AMOTL1: variants seen among roughly 807,000 people sequenced by gnomAD.
AMOTL1 encodes angiomotin-like protein 1.
A neutral mutation model predicts 102.9 loss-of-function variants in AMOTL1; 45 were observed. The observed-to-expected ratio is 0.44, with a 90% CI of 0.34 to 0.56. The LOEUF is 0.56. Ranked by LOEUF, AMOTL1 falls within the 20% of genes least tolerant of loss-of-function variation. AMOTL1 has a pLI of 0.01. For missense variants in AMOTL1, 1,114 were observed against 1,225.6 expected, an observed-to-expected ratio of 0.91 and a Z score of 1.36; for synonymous variants, 481 against 484.7, an observed-to-expected ratio of 0.99 and a Z score of 0.10.
At chr11:94,811,744 T>G (rs1333163224) in intron 3 of AMOTL1, among the ~76,000 whole-genome samples, 1 of 152,016 alleles carries the variant, frequency 6.6e-6, no homozygotes, top group Non-Finnish European at 1.5e-5. Context: ...ATCTCACAAT[T>G]TATACAATTA....
At chr11:94,759,816 G>T (rs1415505053) in intron 3 of AMOTL1, among the ~76,000 whole-genome samples, 1 of 152,218 alleles carries the variant, frequency 6.6e-6, no homozygotes, top group Non-Finnish European at 1.5e-5. Flanking sequence ...ACTGGATTAT[G>T]ATCTTTCTTC....
chr11:94,862,259 A>G (rs1456716632), intron 9 of AMOTL1, among the ~76,000 whole-genome samples: 1 of 152,200 alleles, frequency 6.6e-6, no homozygotes, highest in East Asian at 1.9e-4. Flanking sequence ...GTTCTTTTCA[A>G]AGAAAACCTC....
intron 1 of AMOTL1, among the ~76,000 whole-genome samples, chr11:94,710,225 G>T (rs1950001839): frequency 6.6e-6 from 1 of 152,182 alleles, no homozygotes; most frequent in Admixed American, 6.5e-5. Flanking sequence ...CTGCCCAGAG[G>T]TGCCACCTGA....
intron 2 of AMOTL1, among the ~76,000 whole-genome samples, chr11:94,733,897 C>T (rs367708412): frequency 9.2e-5 from 14 of 152,176 alleles, no homozygotes; most frequent in East Asian, 3.8e-4. Context: ...CTTCTAGTAG[C>T]TTCTTGGCTC....
chr11:94,806,270 C>T (rs370460408), intron 3 of AMOTL1, among the ~76,000 whole-genome samples: 7 of 152,200 alleles, frequency 4.6e-5, no homozygotes, highest in Admixed American at 6.5e-5. Flanking sequence ...AAATCACAGG[C>T]CTTACTCCTA....
chr11:94,767,800 G>A (rs1950873830), upstream of AMOTL1, among the ~76,000 whole-genome samples: 1 of 151,984 alleles, frequency 6.6e-6, no homozygotes, highest in Admixed American at 6.5e-5. Flanking sequence ...GAGGATGTAC[G>A]GTTCTGCGAA....
chr11:94,834,471 C>T (rs1298226653), intron 6 of AMOTL1, among the ~76,000 whole-genome samples: 1 of 152,064 alleles, frequency 6.6e-6, no homozygotes, highest in Non-Finnish European at 1.5e-5. Context: ...CCTGTAGTCC[C>T]AGCTACTCGG....
rs901949789 is a variant in AMOTL1, at chr11:94,876,688, G to C, written c.*5893G>C. 1 of 152,602 alleles carries C rather than the reference G, an allele frequency of 6.6e-6. No individual in the cohort carries two copies. The highest frequency in any genetic ancestry group is 1.5e-5 in the Non-Finnish European group (1 of 68,030). 9.5% of individuals were successfully genotyped at this position (152,602 alleles called of 1,614,324 possible). On this transcript the variant is annotated 3_prime_UTR_variant, in exon 13 of 13. Transcript: ENST00000433060. ...GCAAAATGACTCTTTTCTCTCGCTTGCTCCTTTCTTCCTTAAAGAACTTAT... is the reference window on the plus strand; with the variant it reads ...GCAAAATGACTCTTTTCTCTCGCTTCCTCCTTTCTTCCTTAAAGAACTTAT...
At position 94,799,976 on chromosome 11, in the gene AMOTL1, C is replaced by G; in HGVS notation, c.786C>G (p.Ser262Arg). The G allele has an allele frequency of 3.7e-6, 6 of 1,614,004 alleles. No homozygotes were observed. Among genetic ancestry groups the G allele is most frequent in the Non-Finnish European group, 5.1e-6 (6 of 1,179,888 alleles). Residue 262 changes from serine (S) to arginine (R), a missense_variant, in exon 3 of 13, where the codon AGC (serine) becomes AGG (arginine). Ser to Arg is a moderately radical substitution (Grantham distance 110, BLOSUM62 -1). Coordinates refer to ENST00000433060, the MANE Select transcript of AMOTL1 (RefSeq NM_130847.3). The surrounding 1 kb of genome is among the most constrained non-coding windows in gnomAD (Gnocchi z 4.5). ...ELKQGHVRSL[S>R]ERIMQLSLER... Reference sequence around the variant, plus strand: ...AGCAGGGCCACGTCCGCTCGCTCAGCGAGAGAATCATGCAGCTGTCCCTGG... The same window carrying G: ...AGCAGGGCCACGTCCGCTCGCTCAGGGAGAGAATCATGCAGCTGTCCCTGG...
chr11:94,842,985 T>C (rs1952337934), intron 6 of AMOTL1, among the ~76,000 whole-genome samples: 1 of 152,236 alleles, frequency 6.6e-6, no homozygotes, highest in Admixed American at 6.5e-5. Flanking sequence ...TGTTTGTGAA[T>C]AGACCCACCT....
At chr11:94,735,213 C>T (rs1950420847) in intron 2 of AMOTL1, among the ~76,000 whole-genome samples, 1 of 152,204 alleles carries the variant, frequency 6.6e-6, no homozygotes, top group South Asian at 2.1e-4. Flanking sequence ...TGGGCAGGGG[C>T]TTGATGGCAT....
intron 6 of AMOTL1, among the ~76,000 whole-genome samples, chr11:94,845,840 G>C (rs1401766009): frequency 6.6e-6 from 1 of 152,218 alleles, no homozygotes; most frequent in Non-Finnish European, 1.5e-5. Context: ...GTTCAGGGTA[G>C]TTCATATCCA....
At chr11:94,830,656 G>A (rs1324309993) in intron 5 of AMOTL1, among the ~76,000 whole-genome samples, 4 of 152,198 alleles carry the variant, frequency 2.6e-5, no homozygotes, top group African/African-American at 9.7e-5. Context: ...CCCCTGGGGG[G>A]AAAAAGTCCC....
At chr11:94,826,932 G>A (rs1159513482) in intron 4 of AMOTL1, among the ~76,000 whole-genome samples, 1 of 152,078 alleles carries the variant, frequency 6.6e-6, no homozygotes, top group African/African-American at 2.4e-5. Flanking sequence ...GTCAGGTCTT[G>A]ATTGTTTTAG....
rs926008039 is a variant in AMOTL1 at position 94,866,097 on chromosome 11, G to T, written c.2417G>T (p.Arg806Leu). 3 of 1,613,952 alleles carry T rather than the reference G, an allele frequency of 1.9e-6. No individual in the cohort carries two copies. Among genetic ancestry groups the T allele is most frequent in the South Asian group, 1.1e-5 (1 of 91,076 alleles). ...GCAGCAGCTACTGGGACACACTCTC[G>T]CCAGACCTCTCTTACCAGCAGCCAG... ...SIAAATGTHS[R>L]QTSLTSSQLA... The change falls in exon 11 of 13, where the codon CGC becomes CTC. Residue 806 changes from arginine to leucine, a missense_variant. Arg to Leu is a moderately radical substitution (Grantham distance 102). Transcript: ENST00000433060.
chr11:94,853,238 C>G (rs1592036269), intron 7 of AMOTL1, among the ~76,000 whole-genome samples: 1 of 152,216 alleles, frequency 6.6e-6, no homozygotes, highest in South Asian at 2.1e-4. Context: ...ACCTACCAAC[C>G]CATCATCCAG....
At position 94,744,774 on chromosome 11, in the gene AMOTL1, A is replaced by G. The variant is rs147616012; in HGVS notation, c.136+3786A>G. On this transcript the variant is annotated intron_variant, in intron 3 of 4. Coordinates refer to the AMOTL1 transcript ENST00000299004. ...ATAACAACTTTTCAGAGAGCAAAAG[A>G]TGAAATTTTTCACTCCATGAAATAT... Among the ~76,000 whole-genome samples the G allele has an allele frequency of 4.0e-4, 61 of 152,346 alleles. 2 individuals carry two copies. In the East Asian group the frequency reaches 0.011, roughly 28 times the overall value.
chr11:94,860,662 T>C (rs1361829319), intron 9 of AMOTL1, among the ~76,000 whole-genome samples: 1 of 152,192 alleles, frequency 6.6e-6, no homozygotes, highest in Admixed American at 6.5e-5. Context: ...ATATTGGACA[T>C]TTAACTTAAA....
At chr11:94,758,657 C>A (rs1437597383) in intron 3 of AMOTL1, among the ~76,000 whole-genome samples, 1 of 152,060 alleles carries the variant, frequency 6.6e-6, no homozygotes, top group African/African-American at 2.4e-5. Context: ...GAAATTATAC[C>A]CCACCTAAAG....
Sources: allele counts gnomAD v4.1 joint callset (sites outside exome capture counted in the v4.1 genomes callset), GRCh38; gene constraint gnomAD v4.1.1; non-coding constraint Gnocchi (gnomAD v3.1); transcripts MANE v1.5; gene names NCBI Gene and HGNC (gene_info 2026-07-23, HGNC 2026-07-21).